Variants in CRCP observed in about 807,000 individuals in gnomAD.
CRCP encodes DNA-directed RNA polymerase III subunit RPC9.
CRCP carries 18 observed loss-of-function variants against 18.5 expected under a neutral mutation model. The observed-to-expected ratio is 0.97, with a 90% CI of 0.67 to 1.44. The LOEUF is 1.44. Among genes scored for constraint, CRCP ranks in the 40% most tolerant of loss-of-function variants. The pLI is 0.00. For missense variants in CRCP, 130 were observed against 176.4 expected (o/e 0.74, Z 1.49); for synonymous variants, 53 against 62.9 (o/e 0.84, Z 0.75).
In CRCP at chr7:66,114,881, G is replaced by A. The variant is rs1787205794; in HGVS notation, c.-82G>A. 1.2e-6 allele frequency: 2 copies of A among 1,608,740 alleles called. No individual in the cohort carries two copies. The highest frequency in any genetic ancestry group is 1.7e-6 in the Non-Finnish European group (2 of 1,175,782). ...CTTGGCGCGCGGAGCTGGCACCTTG[G>A]CGCTGTTGGTGGCGGCGGAGACAGC... On this transcript the variant is annotated 5_prime_UTR_variant, in exon 1 of 6. Coordinates refer to ENST00000395326, the MANE Select transcript of CRCP (RefSeq NM_014478.5).
At chr7:66,126,073 A>G (rs919857321) in intron 1 of CRCP, among the ~76,000 whole-genome samples, 8 of 149,242 alleles carry the variant, frequency 5.4e-5, no homozygotes, top group African/African-American at 1.9e-4. Context: ...ACTCTTTGTG[A>G]CTTCAGTGTG....
intron 4 of CRCP, among the ~76,000 whole-genome samples, chr7:66,135,367 A>ACAATTTTTAACAATTTAC (rs1419605003): frequency 1.3e-5 from 2 of 152,260 alleles, no homozygotes; most frequent in Non-Finnish European, 2.9e-5. Context: ...TATTAGTAAA[A>ACAATTTTTAACAATTTAC]TAAGTTAAAT....
At position 66,127,785 on chromosome 7, in the gene CRCP, G is replaced by A. The variant is rs145314716; in HGVS notation, c.45+45G>A. On this transcript the variant is annotated intron_variant, in intron 2 of 5. Transcript: ENST00000395326. ...TTTCCTCTCTGATAGTTTGCCCTTCGCTCCTGAGATTGTTAAATTGATTTT... is the reference window on the plus strand; with the variant it reads ...TTTCCTCTCTGATAGTTTGCCCTTCACTCCTGAGATTGTTAAATTGATTTT... 4.2e-4 allele frequency: 677 copies of A among 1,596,592 alleles called. 5 individuals are homozygous for A. In the African/African-American group the frequency reaches 7.8e-3, roughly 18 times the overall value.
At chr7:66,139,004 C>T (rs1788056356) in intron 4 of CRCP, among the ~76,000 whole-genome samples, 1 of 152,084 alleles carries the variant, frequency 6.6e-6, no homozygotes, top group African/African-American at 2.4e-5. Context: ...TCCTCCTTTT[C>T]TTCAGCTCCC....
chr7:66,116,938 T>C (rs1787283038), intron 1 of CRCP, among the ~76,000 whole-genome samples: 1 of 152,078 alleles, frequency 6.6e-6, no homozygotes, highest in Non-Finnish European at 1.5e-5. Context: ...CTGGCCAACA[T>C]GGCATAACCT....
chr7:66,152,137 C>T, intron 5 of CRCP, 71 bp from the exon 6 acceptor site: 2 of 1,568,960 alleles, frequency 1.3e-6, no homozygotes, highest in South Asian at 1.2e-5. Context: ...AGACCATGAG[C>T]ACAGTGGGCA....
At chr7:66,133,568 G>A (rs1275639761) in intron 3 of CRCP, among the ~76,000 whole-genome samples, 1 of 150,398 alleles carries the variant, frequency 6.6e-6, no homozygotes, top group Non-Finnish European at 1.5e-5. Flanking sequence ...AGAAAAAGTT[G>A]TCTCTTCTTA....
rs750042972 is a variant in CRCP at position 66,114,959 on chromosome 7, C to T, written c.-4C>T. On this transcript the variant is annotated 5_prime_UTR_variant, in exon 1 of 6. In the 5' UTR this introduces an upstream ATG that the reference lacks. Coordinates refer to ENST00000395326, the MANE Select transcript of CRCP (RefSeq NM_014478.5). The stretch of plus-strand genomic sequence containing the variant: ...GGCAGCTAGGGGCGACGAGGCGGGA[C>T]GTCATGGAAGTGTAAGTCTTCTCGG... 2 of 1,612,024 alleles carry T rather than the reference C, an allele frequency of 1.2e-6. No homozygotes were observed. Among genetic ancestry groups the T allele is most frequent in the Non-Finnish European group, 1.7e-6 (2 of 1,178,464 alleles).
chr7:66,143,169 C>G (rs532558332), intron 4 of CRCP, among the ~76,000 whole-genome samples: 5 of 152,304 alleles, frequency 3.3e-5, no homozygotes, highest in African/African-American at 1.2e-4. Flanking sequence ...TGTTTAGACG[C>G]TTACTGGCAT....
At chr7:66,143,173 C>G (rs1788190102) in intron 4 of CRCP, among the ~76,000 whole-genome samples, 2 of 152,202 alleles carry the variant, frequency 1.3e-5, no homozygotes, top group Non-Finnish European at 2.9e-5. Flanking sequence ...TAGACGCTTA[C>G]TGGCATGCCT....
chr7:66,133,931 T>C (rs1228127227), intron 3 of CRCP, among the ~76,000 whole-genome samples: 5 of 147,104 alleles, frequency 3.4e-5, no homozygotes, highest in Admixed American at 1.4e-4. Context: ...TGATCTCGGC[T>C]CACTGCAACC....
chr7:66,141,098 G>C (rs550757583), intron 4 of CRCP, among the ~76,000 whole-genome samples: 56 of 152,124 alleles, frequency 3.7e-4, no homozygotes, highest in Non-Finnish European at 7.3e-4. Context: ...ACTCTGCCAA[G>C]AGTTAACGCT....
chr7:66,145,456 C>T lies in CRCP; in HGVS notation c.253C>T (p.Gln85Ter). 2 of 1,613,904 alleles carry T rather than the reference C, an allele frequency of 1.2e-6. No homozygotes were observed. Among genetic ancestry groups the T allele is most frequent in the Non-Finnish European group, 1.7e-6 (2 of 1,179,882 alleles). ...SHKLTKAEKLQLLNHRPVTAV... is the reference protein window; with the variant it reads ...SHKLTKAEKL ...TTCCCTCCACAGAGCTGAGAAGCTC[C>T]AGCTGCTGAACCACCGGCCTGTGAC... Residue 85 changes from glutamine (Q) to a stop codon, truncating the protein, a stop_gained, in exon 5 of 6, where the codon CAG becomes TAG. Coordinates refer to ENST00000395326, the MANE Select transcript of CRCP (RefSeq NM_014478.5). LOFTEE classifies it high-confidence loss of function.
chr7:66,115,844 CTGTCCCCCA>C (rs1787244414), intron 1 of CRCP, among the ~76,000 whole-genome samples: 1 of 152,200 alleles, frequency 6.6e-6, no homozygotes, highest in Admixed American at 6.5e-5. Flanking sequence ...GGGTCTTGCT[CTGTCCCCCA>C]GGCGGGGTGT....
At chr7:66,141,703 C>T (rs115155072) in intron 4 of CRCP, among the ~76,000 whole-genome samples, 2 of 152,278 alleles carry the variant, frequency 1.3e-5, no homozygotes, top group African/African-American at 4.8e-5. Flanking sequence ...GAGGAGCAGC[C>T]GCTGGATTTG....
intron 4 of CRCP, among the ~76,000 whole-genome samples, chr7:66,144,284 A>G (rs1283236777): frequency 6.6e-6 from 1 of 152,196 alleles, no homozygotes; most frequent in African/African-American, 2.4e-5. Flanking sequence ...GTGAAAATTT[A>G]CATGTATTTG....
intron 3 of CRCP, among the ~76,000 whole-genome samples, chr7:66,132,176 G>T (rs1425528957): frequency 6.6e-6 from 1 of 152,120 alleles, no homozygotes; most frequent in African/African-American, 2.4e-5. Flanking sequence ...TCAAAACCAA[G>T]AAATTAACAT....
chr7:66,152,176 G>T (rs1184375448), intron 5 of CRCP, 32 bp from the exon 6 acceptor site: 2 of 1,612,812 alleles, frequency 1.2e-6, no homozygotes, highest in South Asian at 1.1e-5. Context: ...AGTTTCATTT[G>T]TAACCCTGGA....
At chr7:66,149,932 G>A (rs952961858) in intron 5 of CRCP, among the ~76,000 whole-genome samples, 14 of 151,884 alleles carry the variant, frequency 9.2e-5, no homozygotes, top group Non-Finnish European at 1.2e-4. Context: ...TCAGCCTCCC[G>A]TGTAGCTGGG....
Sources: allele counts gnomAD v4.1 joint callset (sites outside exome capture counted in the v4.1 genomes callset), GRCh38; gene constraint gnomAD v4.1.1; transcripts MANE v1.5; gene names NCBI Gene and HGNC (gene_info 2026-07-23, HGNC 2026-07-21).